MTUS2: variants seen among roughly 807,000 people sequenced by gnomAD.
MTUS2 encodes microtubule associated scaffold protein 2.
In MTUS2, 40 loss-of-function variants were observed where a neutral mutation model predicts 114.1. That is an observed-to-expected ratio of 0.35 (90% CI 0.27 to 0.46). The LOEUF (loss-of-function observed/expected upper bound fraction) is 0.46, where lower values mean the gene tolerates loss of function less well. MTUS2 is among the 20% of genes least tolerant of loss of function. The pLI is 1.00. For missense variants in MTUS2, 1,679 were observed against 1,705.4 expected, an observed-to-expected ratio of 0.98 and a Z score of 0.27; for synonymous variants, 688 against 672.0, an observed-to-expected ratio of 1.02 and a Z score of -0.37.
At chr13:28,919,798 C>T (rs2935192) in intron 2 of MTUS2, among the ~76,000 whole-genome samples, 11 of 152,114 alleles carry the variant, frequency 7.2e-5, no homozygotes, top group African/African-American at 2.2e-4. Context: ...ATTTTCGAAT[C>T]GCTTGTCCTC....
chr13:28,996,593 T>G (rs1444774032), intron 2 of MTUS2, among the ~76,000 whole-genome samples: 1 of 152,204 alleles, frequency 6.6e-6, no homozygotes, highest in Non-Finnish European at 1.5e-5. Flanking sequence ...ATCGGTCTAT[T>G]CAGAGATGCA....
intron 4 of MTUS2, among the ~76,000 whole-genome samples, chr13:29,098,988 A>G (rs1890295729): frequency 6.6e-6 from 1 of 152,348 alleles, no homozygotes. Flanking sequence ...TTGAAATTAC[A>G]TCTGATGTTT....
At chr13:29,072,801 A>C (rs1322588160) in intron 4 of MTUS2, among the ~76,000 whole-genome samples, 1 of 152,228 alleles carries the variant, frequency 6.6e-6, no homozygotes, top group African/African-American at 2.4e-5. Context: ...AGAATCAGTT[A>C]AAAATCATTG....
rs200073929 is a variant in MTUS2 at position 29,359,305 on chromosome 13, G to A, written c.2949G>A (p.Pro983=). The A allele has an allele frequency of 1.3e-5, 21 of 1,607,780 alleles. No homozygotes were observed. The highest frequency in any genetic ancestry group is 1.7e-4 in the Middle Eastern group (1 of 6,052). Residue 983 remains proline (P), a synonymous_variant, in exon 8 of 16, where the codon CCG becomes CCA. Coordinates refer to ENST00000612955, the MANE Select transcript of MTUS2 (RefSeq NM_001033602.4). The part of the protein sequence containing the change: ...QRTAAARNGF[P]PKPDPQAREA... ...CTGCGGCAGCTCGAAATGGGTTTCC[G>A]CCCAAGCCGGACCCGCAGGCCCGTG... is the stretch of plus-strand genomic sequence containing the variant.
At chr13:28,887,318 C>T (rs1195904790) in intron 2 of MTUS2, among the ~76,000 whole-genome samples, 1 of 152,132 alleles carries the variant, frequency 6.6e-6, no homozygotes, top group Admixed American at 6.5e-5. Flanking sequence ...GATACCCTCG[C>T]CCCTTTCGGC....
intron 2 of MTUS2, among the ~76,000 whole-genome samples, chr13:29,011,627 T>A (rs981232294): frequency 5.9e-5 from 9 of 152,212 alleles, no homozygotes; most frequent in African/African-American, 2.2e-4. Context: ...AACTGAATAA[T>A]ATGGTTTTTC....
At chr13:28,973,644 C>T (rs1486203647) in intron 2 of MTUS2, among the ~76,000 whole-genome samples, 2 of 152,170 alleles carry the variant, frequency 1.3e-5, no homozygotes, top group Non-Finnish European at 2.9e-5. Context: ...GTTTGCTTTT[C>T]CCTATTGCTG....
At chr13:29,156,512 G>C (rs1201844311) in intron 5 of MTUS2, among the ~76,000 whole-genome samples, 1 of 152,054 alleles carries the variant, frequency 6.6e-6, no homozygotes, top group Non-Finnish European at 1.5e-5. Flanking sequence ...GGATGATGAG[G>C]GGAAGCAGTG....
chr13:29,310,072 C>T (rs1356332738), intron 6 of MTUS2, among the ~76,000 whole-genome samples: 3 of 152,170 alleles, frequency 2.0e-5, no homozygotes, highest in Non-Finnish European at 4.4e-5. Context: ...TGCAACCCCA[C>T]TACCCTTCCC....
chr13:29,317,928 T>C (rs145872238), intron 6 of MTUS2, among the ~76,000 whole-genome samples: 1 of 152,222 alleles, frequency 6.6e-6, no homozygotes, highest in Non-Finnish European at 1.5e-5. Flanking sequence ...TCTGTTCACC[T>C]CCTTCCAGTT....
intron 2 of MTUS2, among the ~76,000 whole-genome samples, chr13:28,929,242 G>C (rs757762308): frequency 1.3e-5 from 2 of 152,180 alleles, no homozygotes; most frequent in Non-Finnish European, 2.9e-5. Context: ...ATAAGAGCTA[G>C]TGTTTGATAG....
At chr13:29,358,956 G>GAAAA (rs34048029) in intron 7 of MTUS2, among the ~76,000 whole-genome samples, 1,939 of 139,562 alleles carry the variant, frequency 0.014, 79 homozygotes, top group East Asian at 0.1. Context: ...TCTCCTTTAA[G>GAAAA]AAAAAAAAAA....
intron 3 of MTUS2, among the ~76,000 whole-genome samples, chr13:29,031,237 G>GGTGTGTGTGTGT (rs59288953): frequency 0.17 from 21,278 of 122,804 alleles, 2,117 homozygotes; most frequent in Admixed American, 0.22. Flanking sequence ...AGAACTAATA[G>GGTGTGTGTGTGT]GTGTGTGTGT....
At chr13:29,152,117 A>G (rs886398136) in intron 5 of MTUS2, among the ~76,000 whole-genome samples, 2 of 152,076 alleles carry the variant, frequency 1.3e-5, no homozygotes, top group African/African-American at 2.4e-5. Flanking sequence ...GATTGGTGTC[A>G]GCTCTTCTTT....
chr13:28,866,332 T>G (rs1877296534), intron 2 of MTUS2, among the ~76,000 whole-genome samples: 1 of 152,194 alleles, frequency 6.6e-6, no homozygotes, highest in Non-Finnish European at 1.5e-5. Context: ...GAAATTCAGG[T>G]ATCAGAGCAT....
chr13:29,398,322 G>A (rs1164457212), intron 8 of MTUS2, among the ~76,000 whole-genome samples: 12 of 152,090 alleles, frequency 7.9e-5, no homozygotes, highest in South Asian at 4.2e-4. Context: ...TTAGCCAGGC[G>A]TGGTGGCAGA....
intron 9 of MTUS2, among the ~76,000 whole-genome samples, chr13:29,463,930 G>C (rs1207244940): frequency 6.6e-6 from 1 of 152,210 alleles, no homozygotes; most frequent in Non-Finnish European, 1.5e-5. Context: ...GGAGGCAGAG[G>C]TTGCAGTAAG....
chr13:29,213,362 T>C (rs530108236), intron 5 of MTUS2, among the ~76,000 whole-genome samples: 2 of 152,338 alleles, frequency 1.3e-5, no homozygotes, highest in South Asian at 4.1e-4. Context: ...GTCAAGTTGT[T>C]TGATAGCATT....
intron 9 of MTUS2, among the ~76,000 whole-genome samples, chr13:29,456,860 G>A (rs1031712544): frequency 4.6e-5 from 7 of 152,106 alleles, no homozygotes; most frequent in South Asian, 2.1e-4. Flanking sequence ...AGACTAGGCC[G>A]GGCACGGTGG....
Sources: allele counts gnomAD v4.1 joint callset (sites outside exome capture counted in the v4.1 genomes callset), GRCh38; gene constraint gnomAD v4.1.1; transcripts MANE v1.5; gene names NCBI Gene and HGNC (gene_info 2026-07-23, HGNC 2026-07-21).